NUGGC: variants seen among roughly 807,000 people sequenced by gnomAD.
NUGGC encodes nuclear GTPase, germinal center associated.
In NUGGC, 58 loss-of-function variants were observed where a neutral mutation model predicts 92.6. The observed-to-expected ratio is 0.63, with a 90% confidence interval of 0.51 to 0.78. NUGGC has a LOEUF of 0.78. Ranked by LOEUF, NUGGC falls within the 30% of genes least tolerant of loss-of-function variation. NUGGC has a pLI of 0.00. For synonymous variants in NUGGC, 376 were observed against 366.4 expected (o/e 1.03, Z -0.30); for missense variants, 925 against 964.6 (o/e 0.96, Z 0.54).
intron 10 of NUGGC, among the ~76,000 whole-genome samples, chr8:28,052,560 C>T (rs1810033794): frequency 6.6e-6 from 1 of 152,140 alleles, no homozygotes; most frequent in Non-Finnish European, 1.5e-5. Context: ...CTGCCACAAG[C>T]CAGGAATTAC....
chr8:28,058,205 A>G, intron 9 of NUGGC, 53 bp downstream of exon 9: 1 of 325,512 alleles, frequency 3.1e-6, no homozygotes, highest in Non-Finnish European at 5.5e-6. Context: ...AAAATAAAAA[A>G]TAAATAGATA....
intron 17 of NUGGC, 29 bp from the exon 18 acceptor site, chr8:28,027,081 G>C: frequency 6.5e-7 from 1 of 1,533,708 alleles, no homozygotes; most frequent in Non-Finnish European, 9.0e-7. Flanking sequence ...CAGTCTGTTA[G>C]GATGGTGCAG....
At chr8:28,026,859 A>AAC in intron 18 of NUGGC, 103 bp downstream of exon 18, 1 of 801,288 alleles carries the variant, frequency 1.2e-6, no homozygotes, top group Non-Finnish European at 2.2e-6. Flanking sequence ...CCTAACTTAA[A>AAC]TTCCTAAAAT....
rs761336166 is a variant in NUGGC, at chr8:28,045,626, G to C, written c.1347C>G (p.Ser449Arg). The C allele has an allele frequency of 1.2e-6, 2 of 1,612,720 alleles. No homozygotes were observed. The highest frequency in any genetic ancestry group is 8.5e-7 in the Non-Finnish European group (1 of 1,179,500). ...CTGTCCTCTTCTTCTTGTCCAAGAGGCTCTTCCTGATGTATTCTCTTAACT... is the reference window on the plus strand; with the variant it reads ...CTGTCCTCTTCTTCTTGTCCAAGAGCCTCTTCCTGATGTATTCTCTTAACT... ...IPKLREYIRK[S>R]LLDKKKRTVT... The change falls in exon 12 of 19, where the codon AGC becomes AGG. Residue 449 changes from serine (S) to arginine (R), a missense_variant. Transcript: ENST00000413272.
intron 14 of NUGGC, among the ~76,000 whole-genome samples, chr8:28,031,845 A>C (rs2130083945): frequency 6.6e-6 from 1 of 152,374 alleles, no homozygotes; most frequent in South Asian, 2.1e-4. Context: ...TATCCCAGAA[A>C]TAGGAAGTGA....
chr8:28,054,900 A>G (rs1435308610), intron 10 of NUGGC, among the ~76,000 whole-genome samples: 6 of 151,710 alleles, frequency 4.0e-5, no homozygotes, highest in African/African-American at 1.5e-4. Context: ...AATAATAATA[A>G]AATTGGCCAG....
At chr8:28,079,042 G>A (rs1394475843) in intron 1 of NUGGC, among the ~76,000 whole-genome samples, 1 of 152,228 alleles carries the variant, frequency 6.6e-6, no homozygotes, top group African/African-American at 2.4e-5. Context: ...AAATAAGACT[G>A]TGCACATTCA....
chr8:28,035,528 C>T (rs1258910857), intron 13 of NUGGC, among the ~76,000 whole-genome samples: 1 of 152,134 alleles, frequency 6.6e-6, no homozygotes, highest in Non-Finnish European at 1.5e-5. Flanking sequence ...TAGCTGCTCT[C>T]CATGTGACCT....
Position 28,029,419 on chromosome 8 carries a change from C to A in NUGGC, c.2018-17G>T. 1 of 1,610,882 alleles carries A rather than the reference C, an allele frequency of 6.2e-7. No homozygotes were observed. On this transcript the variant is annotated splice_polypyrimidine_tract_variant and intron_variant, in intron 16 of 18. Coordinates refer to ENST00000413272, the MANE Select transcript of NUGGC (RefSeq NM_001010906.2). The stretch of plus-strand genomic sequence containing the variant: ...GAGCTGCCTCTGGCAAAAATGATAG[C>A]CACAGTCACACCAAGACAAGGACCT...
rs562620245 is a variant in NUGGC at position 28,051,910 on chromosome 8, GAAACAAAACA to G, written c.1206+4045_1206+4054del. Among the ~76,000 whole-genome samples the G allele has an allele frequency of 8.9e-3, 1,338 of 149,514 alleles. 11 individuals are homozygous for G. The highest frequency in any genetic ancestry group is 0.016 in the Non-Finnish European group (1,082 of 67,596). ...GCACTCCAGCCTGGGCAACAGGAGC[GAAACAAAACA>G]AAACAAAACAAAACAAAAACAAAAA... On this transcript the variant is annotated intron_variant, in intron 10 of 18. Coordinates refer to ENST00000413272, the MANE Select transcript of NUGGC (RefSeq NM_001010906.2).
rs770312735 is a variant in NUGGC, at chr8:28,069,631, G to A, written c.170C>T (p.Thr57Ile). The A allele has an allele frequency of 1.9e-6, 3 of 1,608,750 alleles. No individual in the cohort carries two copies. Among genetic ancestry groups the A allele is most frequent in the Middle Eastern group, 1.7e-4 (1 of 6,048 alleles). Residue 57 changes from threonine (T) to isoleucine (I), a missense_variant, in exon 4 of 19, where the codon ACC (threonine) becomes ATC (isoleucine). Transcript: ENST00000413272. ...ATAAGTGTTGCTCAAAACCCTTCTGGTCCGTGATTCCAATTTTTCATCTGG... is the reference window on the plus strand; with the variant it reads ...ATAAGTGTTGCTCAAAACCCTTCTGATCCGTGATTCCAATTTTTCATCTGG... The part of the protein sequence containing the change: ...LKEYEKLESR[T>I]RRVLSNTYQK...
In NUGGC at chr8:28,071,149, C is replaced by T. The variant is rs544914024; in HGVS notation, c.44-793G>A. Reference sequence around the variant, plus strand: ...CCAAAATGTAGAGTTCAATCTATCTCCCCAGATAAATAGTTTCTATTTGCA... The same window carrying T: ...CCAAAATGTAGAGTTCAATCTATCTTCCCAGATAAATAGTTTCTATTTGCA... On this transcript the variant is annotated intron_variant, in intron 2 of 18. Coordinates refer to ENST00000413272, the MANE Select transcript of NUGGC (RefSeq NM_001010906.2). 3.3e-5 allele frequency among the ~76,000 whole-genome samples: 5 copies of T among 152,266 alleles called. No homozygotes were observed. In the East Asian group the frequency reaches 9.7e-4, roughly 29 times the overall value.
In NUGGC at chr8:28,074,549, T is replaced by C. The variant is rs537103133; in HGVS notation, c.-46-93A>G. On this transcript the variant is annotated intron_variant, in intron 1 of 18. Coordinates refer to ENST00000413272, the MANE Select transcript of NUGGC (RefSeq NM_001010906.2). The stretch of plus-strand genomic sequence containing the variant: ...GATGTGTCAGTCTGCTTGTGCGGTA[T>C]TTCTGCCCATTCCAACGTATCTCTG... 940 of 762,664 alleles carry C rather than the reference T, an allele frequency of 1.2e-3. 16 individuals carry two copies. In the South Asian group the frequency reaches 0.014, roughly 11 times the overall value. 47.2% of individuals were successfully genotyped at this position (762,664 alleles called of 1,614,324 possible).
chr8:28,041,294 C>T, intron 12 of NUGGC, 79 bp from the exon 13 acceptor site: 1 of 1,386,882 alleles, frequency 7.2e-7, no homozygotes, highest in Non-Finnish European at 9.9e-7. Flanking sequence ...TTTCTTTAAG[C>T]TTGTCACCAG....
chr8:28,027,090 A>G, intron 17 of NUGGC, 38 bp from the exon 18 acceptor site: 1 of 1,499,916 alleles, frequency 6.7e-7, no homozygotes. Context: ...AGGATGGTGC[A>G]GCCCAAGGAA....
intron 13 of NUGGC, among the ~76,000 whole-genome samples, chr8:28,034,609 A>C (rs1268422465): frequency 6.6e-6 from 1 of 152,136 alleles, no homozygotes; most frequent in Admixed American, 6.5e-5. Flanking sequence ...TGAGGTCAGG[A>C]GTTCAAGACC....
chr8:28,066,034 A>G (rs4732813), intron 6 of NUGGC, among the ~76,000 whole-genome samples: 26,766 of 152,058 alleles, frequency 0.18, 2,719 homozygotes, highest in East Asian at 0.4. Flanking sequence ...GAAACCCTGA[A>G]TTTGTAAGCC....
chr8:28,040,014 G>A (rs1809652753), intron 13 of NUGGC, among the ~76,000 whole-genome samples: 1 of 152,166 alleles, frequency 6.6e-6, no homozygotes, highest in South Asian at 2.1e-4. Context: ...GAGGCCACGT[G>A]AGGATGCAGC....
intron 15 of NUGGC, among the ~76,000 whole-genome samples, chr8:28,030,664 G>A (rs557026017): frequency 6.6e-6 from 1 of 152,284 alleles, no homozygotes; most frequent in South Asian, 2.1e-4. Flanking sequence ...TATTTGCTGA[G>A]TTGAACTCAG....
Sources: gnomAD v4.1 joint callset for allele counts (sites outside exome capture counted in the v4.1 genomes callset) on GRCh38, gnomAD v4.1.1 for gene constraint, MANE v1.5 for transcripts, NCBI Gene and HGNC (gene_info 2026-07-23, HGNC 2026-07-21) for gene names.